Variants in PTPRB observed in about 807,000 individuals in gnomAD.
The protein encoded by PTPRB is protein tyrosine phosphatase receptor type B, also known as receptor-type tyrosine-protein phosphatase beta.
Under a neutral mutation model 238.1 loss-of-function variants are expected in PTPRB, and 97 were observed. The ratio of observed to expected loss-of-function variants is 0.41; its 90% CI spans 0.35 to 0.48. The LOEUF is 0.48. Ranked by LOEUF, PTPRB falls within the 20% of genes least tolerant of loss-of-function variation. The pLI, the probability that PTPRB is intolerant of heterozygous loss-of-function variation, is 0.30. For synonymous variants in PTPRB, 970 were observed against 995.4 expected, an observed-to-expected ratio of 0.97 and a Z score of 0.48; for missense variants, 2,292 against 2,681.9, an observed-to-expected ratio of 0.85 and a Z score of 3.21.
intron 32 of PTPRB, among the ~76,000 whole-genome samples, chr12:70,529,807 A>C (rs1386889789): frequency 6.6e-6 from 1 of 152,174 alleles, no homozygotes; most frequent in Non-Finnish European, 1.5e-5. Flanking sequence ...ACTCACTGTC[A>C]GTTTCCTCAG....
Position 70,576,487 on chromosome 12 carries a change from T to C in PTPRB, c.2737A>G (p.Arg913Gly). ...VQSLVIAKSV[R>G]ECSFSSLTPG... Reference sequence around the variant, plus strand: ...GTGAGGGAGCTGAAGGAACATTCTCTGACAGACTTGGCAATGACAAGGGAC... The same window carrying C: ...GTGAGGGAGCTGAAGGAACATTCTCCGACAGACTTGGCAATGACAAGGGAC... The change falls in exon 11 of 34, where the codon AGA (arginine) becomes GGA (glycine). Residue 913 changes from arginine to glycine, a missense_variant. Around this residue, in one of 4 missense-constraint regions of PTPRB, gnomAD observed 1,205 missense variants for 1,287.8 expected, o/e 0.94. Transcript: ENST00000334414. 6.3e-7 allele frequency: 1 copy of C among 1,584,368 alleles called. No homozygotes were observed. The highest frequency in any genetic ancestry group is 1.3e-5 in the African/African-American group (1 of 74,646).
Position 70,534,353 on chromosome 12 carries a change from C to G in PTPRB, c.6368+135G>C, listed in dbSNP as rs553516198. The stretch of plus-strand genomic sequence containing the variant: ...AAGGGGAGGAACGTTATAAAACCCT[C>G]TGGGGGCGAGGCAGGCTGGTTGGTC... On this transcript the variant is annotated intron_variant, in intron 31 of 33. Transcript: ENST00000334414. 14 of 957,568 alleles carry G rather than the reference C, an allele frequency of 1.5e-5. No individual in the cohort carries two copies. In the African/African-American group the frequency reaches 1.8e-4, roughly 12 times the overall value. The allele number at this position is 957,568 out of a possible 1,614,324, so 59.3% of individuals were successfully genotyped here.
chr12:70,540,923 A>G lies in PTPRB; in HGVS notation c.5529T>C (p.Ala1843=). 1 of 1,607,446 alleles carries G rather than the reference A, an allele frequency of 6.2e-7. No homozygotes were observed. The highest frequency in any genetic ancestry group is 8.5e-7 in the Non-Finnish European group (1 of 1,176,880). Residue 1843 remains alanine (A), a synonymous_variant, in exon 23 of 34, where the codon GCT becomes GCC. Transcript: ENST00000334414. The stretch of plus-strand genomic sequence containing the variant: ...CTAGCATGCCAATTAAAAACAGACC[A>G]GCACTCACACCTTCAATAGCTCCAA... The part of the protein sequence containing the change: ...PLFGAIEGVS[A]GLFLIGMLVA...
intron 20 of PTPRB, among the ~76,000 whole-genome samples, chr12:70,554,914 T>C (rs1240761751): frequency 6.6e-6 from 1 of 152,206 alleles, no homozygotes; most frequent in East Asian, 1.9e-4. Context: ...ATTATCGTTG[T>C]GGTTGCTATT....
At chr12:70,570,921 G>T in intron 13 of PTPRB, 105 bp downstream of exon 13, 2 of 1,242,816 alleles carry the variant, frequency 1.6e-6, no homozygotes, top group Non-Finnish European at 2.2e-6. Context: ...CCTTCTTGCT[G>T]TCTCCCTTTT....
chr12:70,539,224 G>C (rs1420718740), intron 26 of PTPRB: 2 of 581,708 alleles, frequency 3.4e-6, no homozygotes, highest in East Asian at 5.6e-5. Context: ...GGCTCAGTCA[G>C]GATAACTGAT....
intron 11 of PTPRB, among the ~76,000 whole-genome samples, chr12:70,574,045 T>A (rs547239385): frequency 6.6e-6 from 1 of 152,258 alleles, no homozygotes; most frequent in East Asian, 1.9e-4. Context: ...TAACTGGACA[T>A]TATACATATT....
At chr12:70,593,165 G>C (rs898840333) in intron 6 of PTPRB, among the ~76,000 whole-genome samples, 2 of 152,120 alleles carry the variant, frequency 1.3e-5, no homozygotes, top group African/African-American at 4.8e-5. Context: ...GATTAAAAAG[G>C]AGATACCCTT....
rs2136619829 is a variant in PTPRB at position 70,635,897 on chromosome 12, G to A, written c.225C>T (p.Ser75=). ...SALCLAISNS[S]RGPSRSAILD... is the part of the protein sequence containing the mutation. The stretch of plus-strand genomic sequence containing the variant: ...AGATGGCTGAGCGGGAGGGGCCGCG[G>A]GAAGAGTTGGAGATGGCCAAGCACA... The change falls in exon 2 of 34, where the codon TCC becomes TCT. Residue 75 remains serine, a synonymous_variant. Transcript: ENST00000334414. The A allele has an allele frequency of 6.2e-7, 1 of 1,613,798 alleles. No homozygotes were observed. The highest frequency in any genetic ancestry group is 8.5e-7 in the Non-Finnish European group (1 of 1,179,846).
rs1414265156 is a variant in PTPRB at position 70,587,115 on chromosome 12, CA to C, written c.2202del (p.Asp734GlufsTer27). The C allele has an allele frequency of 6.2e-7, 1 of 1,613,816 alleles. No homozygotes were observed. The highest frequency in any genetic ancestry group is 8.5e-7 in the Non-Finnish European group (1 of 1,179,858). On this transcript the variant is annotated frameshift_variant, in exon 9 of 34. Transcript: ENST00000334414. LOFTEE classifies it high-confidence loss of function. Reference protein sequence around the residue: ...LLLIHKSLSKDAKEFTFTDLV... With the variant: ...LLLIHKSLSKXAKEFTFTDLV... ...AGGTCAGTAAAAGTGAATTCTTTGG[CA>C]TCTTTGGAGAGTGACTTGTGGATCA...
At chr12:70,587,406 C>T in intron 8 of PTPRB, 139 bp from the exon 9 acceptor site, 1 of 1,063,402 alleles carries the variant, frequency 9.4e-7, no homozygotes, top group Non-Finnish European at 1.3e-6. Flanking sequence ...AGCATTAAAA[C>T]AAAATCTTAT....
In PTPRB at chr12:70,556,039, C is replaced by T; in HGVS notation, c.4824G>A (p.Arg1608=). ...SDFDGYSIEC[R]KMDTQEVEFS... is the part of the protein sequence containing the mutation. ...ACTCAACTTCTTGGGTGTCCATTTT[C>T]CGGCATTCAATACTATAACCATCAA... Residue 1608 remains arginine, a synonymous_variant, in exon 19 of 34, where the codon CGG becomes CGA. Coordinates refer to ENST00000334414, the MANE Select transcript of PTPRB (RefSeq NM_001109754.4). The T allele has an allele frequency of 6.2e-7, 1 of 1,613,922 alleles. No individual in the cohort carries two copies.
chr12:70,606,145 C>T (rs1018989297), intron 4 of PTPRB, among the ~76,000 whole-genome samples: 1 of 152,142 alleles, frequency 6.6e-6, no homozygotes, highest in Non-Finnish European at 1.5e-5. Context: ...AGCTCTGTTG[C>T]CACTTTCATC....
chr12:70,540,080 T>C (rs1592422620), intron 23 of PTPRB, 58 bp from the exon 24 acceptor site: 4 of 1,432,460 alleles, frequency 2.8e-6, no homozygotes. Context: ...TGAACAAATT[T>C]TTCCATTTAT....
In PTPRB at chr12:70,560,035, TC is replaced by T. The variant is rs1279078679; in HGVS notation, c.4433-412del. 1.3e-5 allele frequency among the ~76,000 whole-genome samples: 2 copies of T among 151,886 alleles called. No individual in the cohort carries two copies. The highest frequency in any genetic ancestry group is 2.9e-5 in the Non-Finnish European group (2 of 67,968). Reference sequence around the variant, plus strand: ...TATTTTTAGTAGAGACAGGGTTTCCTCTCGTTGACCAGGCTGGTCTCGAACT... The same window carrying T: ...TATTTTTAGTAGAGACAGGGTTTCCTTCGTTGACCAGGCTGGTCTCGAACT... On this transcript the variant is annotated intron_variant, in intron 17 of 33. Transcript: ENST00000334414. This position sits in a 1 kb window ranked among gnomAD's most constrained non-coding sequence, Gnocchi z 4.2.
intron 2 of PTPRB, among the ~76,000 whole-genome samples, chr12:70,624,197 C>G (rs1333727559): frequency 2.6e-5 from 4 of 151,862 alleles, no homozygotes; most frequent in African/African-American, 9.7e-5. Flanking sequence ...TTAGTGTATC[C>G]CACATATACA....
At chr12:70,526,743 C>T (rs545505026) in intron 32 of PTPRB, among the ~76,000 whole-genome samples, 15 of 152,268 alleles carry the variant, frequency 9.9e-5, no homozygotes, top group African/African-American at 3.1e-4. Context: ...CTGTTTCCTC[C>T]CACCCAAAGC....
At chr12:70,621,752 A>G (rs1175278796) in intron 3 of PTPRB, among the ~76,000 whole-genome samples, 1 of 152,208 alleles carries the variant, frequency 6.6e-6, no homozygotes, top group Non-Finnish European at 1.5e-5. Context: ...ATGTGCTATA[A>G]TTACATGTAT....
At position 70,637,422 on chromosome 12, in the gene PTPRB, C is replaced by T. The variant is rs775982107; in HGVS notation, c.-27G>A. The T allele has an allele frequency of 2.7e-5, 43 of 1,591,112 alleles. 1 individual carries two copies. Among genetic ancestry groups the T allele is most frequent in the South Asian group, 1.8e-4 (16 of 87,606 alleles). The stretch of plus-strand genomic sequence containing the variant: ...TTCCACTTAGCAACTGTTCATGCTT[C>T]GCTTGGGGAAAAAAAAAATTCTCCC... On this transcript the variant is annotated 5_prime_UTR_variant, in exon 1 of 34. Transcript: ENST00000334414.
Sources: gnomAD v4.1 joint callset for allele counts (sites outside exome capture counted in the v4.1 genomes callset) on GRCh38, gnomAD v4.1.1 for gene constraint, gnomAD v4.1.1 regional missense constraint, Gnocchi (gnomAD v3.1) non-coding constraint, MANE v1.5 for transcripts, NCBI Gene and HGNC (gene_info 2026-07-23, HGNC 2026-07-21) for gene names.